CNKSR2: variants seen among roughly 807,000 people sequenced by gnomAD.
The protein encoded by CNKSR2 is connector enhancer of kinase suppressor of Ras 2, also known as CNK homolog protein 2.
CNKSR2 carries 14 observed loss-of-function variants against 84.4 expected under a neutral mutation model. That is an observed-to-expected ratio of 0.17 (90% confidence interval 0.11 to 0.26). CNKSR2 has a LOEUF of 0.26. Ranked by LOEUF, CNKSR2 falls within the 10% of genes least tolerant of loss-of-function variation. The pLI is 1.00. For synonymous variants in CNKSR2, 275 were observed against 277.9 expected, an observed-to-expected ratio of 0.99 and a Z score of 0.10; for missense variants, 485 against 771.2, an observed-to-expected ratio of 0.63 and a Z score of 4.40.
chrX:21,438,374 C>T (rs750458495), intron 3 of CNKSR2, among the ~76,000 whole-genome samples: 3 of 111,712 alleles, frequency 2.7e-5, no homozygotes, highest in African/African-American at 9.8e-5. Context: ...TTGACCAAAA[C>T]GTCATTTTAT....
chrX:21,531,352 T>G lies in CNKSR2; in HGVS notation c.1092-504T>G, dbSNP rs188378049. ...ATTACTACCATTATACCTACTGTCT[T>G]GAACACTAAAAACAATTTATGTGCT... is the stretch of plus-strand genomic sequence containing the variant. On this transcript the variant is annotated intron_variant, in intron 10 of 21. Transcript: ENST00000379510. Among the ~76,000 whole-genome samples, 40 of 110,444 alleles carry G rather than the reference T, an allele frequency of 3.6e-4. No individual in the cohort carries two copies. In the East Asian group the frequency reaches 7.4e-3, roughly 20 times the overall value.
intron 13 of CNKSR2, among the ~76,000 whole-genome samples, chrX:21,575,024 T>G (rs2092310049): frequency 9.0e-6 from 1 of 111,272 alleles, no homozygotes; most frequent in Non-Finnish European, 1.9e-5. Flanking sequence ...CAACAGTACT[T>G]ACAGAGTAAT....
chrX:21,528,003 A>G (rs2091851017), intron 10 of CNKSR2, among the ~76,000 whole-genome samples: 1 of 110,812 alleles, frequency 9.0e-6, no homozygotes, highest in South Asian at 3.7e-4. Flanking sequence ...TTATCTGCAA[A>G]TACTGTGTTG....
At chrX:21,561,587 G>T in intron 12 of CNKSR2, 27 bp downstream of exon 12, 1 of 1,087,069 alleles carries the variant, frequency 9.2e-7, no homozygotes, top group South Asian at 1.9e-5. Flanking sequence ...TTCAGTGTAG[G>T]CTGGGTTGTT....
At chrX:21,561,931 T>G (rs994078017) in intron 12 of CNKSR2, among the ~76,000 whole-genome samples, 1 of 110,352 alleles carries the variant, frequency 9.1e-6, no homozygotes, top group Non-Finnish European at 1.9e-5. Context: ...CTCACCAGTT[T>G]TGTATGGAAT....
At position 21,387,938 on chromosome X, in the gene CNKSR2, C is replaced by T. The variant is rs1350322735; in HGVS notation, c.64+12977C>T. ...TGTTTGAGATGGAGTCTCGCTCTGT[C>T]GCCCAGGCTGAAGTGCAGTGGTGTG... On this transcript the variant is annotated intron_variant, in intron 1 of 21. Transcript: ENST00000379510. 2.7e-5 allele frequency among the ~76,000 whole-genome samples: 3 copies of T among 110,580 alleles called. No homozygotes were observed. In the Admixed American group the frequency reaches 2.9e-4, roughly 11 times the overall value.
rs991874090 is a variant in CNKSR2 at position 21,630,808 on chromosome X, ATGT to A, written c.2693-18018_2693-18016del. On this transcript the variant is annotated intron_variant, in intron 20 of 21. Transcript: ENST00000379510. ...ATATGGTTAATCAAGTAAAGCAAAA[ATGT>A]TGTTCTGATCTTTCAATCACATTTA... 3.6e-5 allele frequency among the ~76,000 whole-genome samples: 4 copies of A among 111,072 alleles called. 1 individual carries two copies.
intron 4 of CNKSR2, among the ~76,000 whole-genome samples, chrX:21,465,925 A>T (rs1265768015): frequency 9.0e-6 from 1 of 111,493 alleles, no homozygotes; most frequent in African/African-American, 3.3e-5. Flanking sequence ...GGATAACATT[A>T]TGATCCTGTG....
At chrX:21,438,166 G>A (rs1264450366) in intron 3 of CNKSR2, among the ~76,000 whole-genome samples, 1 of 111,679 alleles carries the variant, frequency 9.0e-6, no homozygotes, top group East Asian at 2.8e-4. Flanking sequence ...AGATGATACA[G>A]CCTACTACAC....
rs1236559819 is a variant in CNKSR2, at chrX:21,595,677, A to G, written c.1976+282A>G. Among the ~76,000 whole-genome samples, 6 of 112,255 alleles carry G rather than the reference A, an allele frequency of 5.3e-5. No homozygotes were observed. In the Admixed American group the frequency reaches 5.7e-4, roughly 11 times the overall value. ...GATTTTTTAAGTTCATTTCAATAATATGTCTTAAAATTGACTCCCAGATGG... is the reference window on the plus strand; with the variant it reads ...GATTTTTTAAGTTCATTTCAATAATGTGTCTTAAAATTGACTCCCAGATGG... On this transcript the variant is annotated intron_variant, in intron 17 of 21. Coordinates refer to ENST00000379510, the MANE Select transcript of CNKSR2 (RefSeq NM_014927.5).
intron 20 of CNKSR2, among the ~76,000 whole-genome samples, chrX:21,615,578 A>G (rs373579293): frequency 4.5e-5 from 5 of 111,837 alleles, no homozygotes; most frequent in Admixed American, 3.8e-4. Flanking sequence ...GATGTCAGAA[A>G]GCACCTTAGA....
chrX:21,414,165 G>A lies in CNKSR2; in HGVS notation c.65-12332G>A, dbSNP rs551601941. Among the ~76,000 whole-genome samples, 9 of 111,061 alleles carry A rather than the reference G, an allele frequency of 8.1e-5. No individual in the cohort carries two copies. The South Asian group carries it at 3.4e-3, about 42-fold the overall frequency. On this transcript the variant is annotated intron_variant, in intron 1 of 21. Coordinates refer to ENST00000379510, the MANE Select transcript of CNKSR2 (RefSeq NM_014927.5). ...CACTAAACTATTCTCCATAGTGGTTGTACTAATTTACATTCCCACCAACAG... is the reference window on the plus strand; with the variant it reads ...CACTAAACTATTCTCCATAGTGGTTATACTAATTTACATTCCCACCAACAG...
intron 5 of CNKSR2, among the ~76,000 whole-genome samples, chrX:21,476,295 T>C (rs140508418): frequency 0.08 from 8,871 of 111,276 alleles, 886 homozygotes; most frequent in African/African-American, 0.28. Context: ...AAGAAAATAG[T>C]ACATTAAACT....
chrX:21,501,954 G>T (rs185124853), intron 8 of CNKSR2, among the ~76,000 whole-genome samples: 5 of 108,326 alleles, frequency 4.6e-5, no homozygotes, highest in African/African-American at 1.7e-4. Context: ...ATAAATTATT[G>T]AATTACCTAG....
chrX:21,390,626 G>A (rs146029908), intron 1 of CNKSR2, among the ~76,000 whole-genome samples: 2 of 111,502 alleles, frequency 1.8e-5, no homozygotes, highest in African/African-American at 3.3e-5. Context: ...TCCAACATTG[G>A]GGATTACAAT....
At chrX:21,648,679 G>T in intron 20 of CNKSR2, 152 bp from the exon 21 acceptor site, 1 of 452,457 alleles carries the variant, frequency 2.2e-6, no homozygotes, top group South Asian at 5.2e-5. Context: ...TGTTCTCATG[G>T]TCATTCATTA....
intron 13 of CNKSR2, among the ~76,000 whole-genome samples, chrX:21,580,414 G>A (rs935626445): frequency 1.6e-4 from 18 of 111,464 alleles, no homozygotes; most frequent in Non-Finnish European, 3.4e-4. Context: ...TAACAGAAAC[G>A]TAGTATTAAT....
chrX:21,601,763 A>G (rs1264823909), intron 18 of CNKSR2, among the ~76,000 whole-genome samples: 3 of 112,038 alleles, frequency 2.7e-5, no homozygotes, highest in Non-Finnish European at 5.6e-5. Context: ...CTCATTTGGT[A>G]ATGTTCTTCA....
chrX:21,523,692 T>A (rs1338069726), intron 9 of CNKSR2, among the ~76,000 whole-genome samples: 1 of 110,526 alleles, frequency 9.0e-6, no homozygotes, highest in Non-Finnish European at 1.9e-5. Flanking sequence ...GAAGCTAAAT[T>A]TGTTACTTTC....
Sources: gnomAD v4.1 joint callset for allele counts (sites outside exome capture counted in the v4.1 genomes callset) on GRCh38, gnomAD v4.1.1 for gene constraint, MANE v1.5 for transcripts, NCBI Gene and HGNC (gene_info 2026-07-23, HGNC 2026-07-21) for gene names.